The following PIM1 variants were observed in gnomAD, a reference collection of about 807,000 sequenced individuals.
PIM1 encodes the protein Pim-1 proto-oncogene, serine/threonine kinase, also known as serine/threonine-protein kinase pim-1.
PIM1 carries 9 observed loss-of-function variants against 34.5 expected under a neutral mutation model. That is an observed-to-expected ratio of 0.26 (90% CI 0.16 to 0.46). PIM1 has a LOEUF of 0.46. Among genes scored for constraint, PIM1 ranks in the 20% least tolerant of loss-of-function variants. PIM1 has a pLI of 1.00. For synonymous variants in PIM1, 199 were observed against 175.2 expected (o/e 1.14, Z -1.07); for missense variants, 274 against 410.9 (o/e 0.67, Z 2.88).
At chr6:37,172,824 C>A in intron 4 of PIM1, 172 bp from the exon 5 acceptor site, 2 of 704,340 alleles carry the variant, frequency 2.8e-6, no homozygotes. Context: ...GGAGAGATGC[C>A]GTAAGGTGCG....
At chr6:37,172,381 CT>C in intron 4 of PIM1, 1 of 345,898 alleles carries the variant, frequency 2.9e-6, no homozygotes, top group Non-Finnish European at 5.7e-6. Context: ...ATGGCCCCTC[CT>C]TTTTCTTTTA....
rs908520530 is a variant in PIM1, at chr6:37,175,379, AT to A, written c.*1299del. The A allele has an allele frequency of 0.012, 2,436 of 196,372 alleles. No individual in the cohort carries two copies. The highest frequency in any genetic ancestry group is 0.021 in the East Asian group (250 of 11,784). The allele number at this position is 196,372 out of a possible 1,614,324, so 12.2% of individuals were successfully genotyped here. A position where few individuals can be genotyped will look rare whatever the true frequency, so the allele number is the denominator to read the frequency against. ...TGTACAGGGGAATAAAAGAGATCTT[AT>A]TTTTTTTTTTATACTTGGCGTTTTT... is the stretch of plus-strand genomic sequence containing the variant. On this transcript the variant is annotated 3_prime_UTR_variant, in exon 6 of 6. Transcript: ENST00000373509.
chr6:37,173,092 T>C lies in PIM1; in HGVS notation c.704T>C (p.Met235Thr). 6.2e-7 allele frequency: 1 copy of C among 1,614,096 alleles called. No homozygotes were observed. The highest frequency in any genetic ancestry group is 8.5e-7 in the Non-Finnish European group (1 of 1,180,014). The change falls in exon 5 of 6, where the codon ATG (methionine) becomes ACG (threonine). Residue 235 changes from methionine to threonine, a missense_variant. Coordinates refer to ENST00000373509, the MANE Select transcript of PIM1 (RefSeq NM_002648.4). ...TCCCTGGGGATCCTGCTGTATGATATGGTGTGTGGAGATATTCCTTTCGAG... is the reference window on the plus strand; with the variant it reads ...TCCCTGGGGATCCTGCTGTATGATACGGTGTGTGGAGATATTCCTTTCGAG... ...VWSLGILLYD[M>T]VCGDIPFEHD... is the part of the protein sequence containing the mutation.
rs1266995451 is a variant in PIM1 at position 37,175,167 on chromosome 6, C to G, written c.*1076C>G. ...GCGGGACAGTGCTGCAGCTCCCTGG[C>G]TTCTGTGGGGCCCCTCACCTACTTA... On this transcript the variant is annotated 3_prime_UTR_variant, in exon 6 of 6. Coordinates refer to ENST00000373509, the MANE Select transcript of PIM1 (RefSeq NM_002648.4). 4.3e-6 allele frequency: 1 copy of G among 233,562 alleles called. No homozygotes were observed. Among genetic ancestry groups the G allele is most frequent in the East Asian group, 6.0e-5 (1 of 16,606 alleles). 14.5% of individuals were successfully genotyped at this position (233,562 alleles called of 1,614,324 possible).
In PIM1 at chr6:37,170,476, C is replaced by T. The variant is rs745541491; in HGVS notation, c.-100C>T. ...GCAACGCCACCCGCAGCCACAGCCACAGCCACAGCCCCAGGCATAGCCTTC... is the reference window on the plus strand; with the variant it reads ...GCAACGCCACCCGCAGCCACAGCCATAGCCACAGCCCCAGGCATAGCCTTC... On this transcript the variant is annotated 5_prime_UTR_variant, in exon 1 of 6. Coordinates refer to ENST00000373509, the MANE Select transcript of PIM1 (RefSeq NM_002648.4). The T allele has an allele frequency of 1.3e-6, 2 of 1,572,960 alleles. No individual in the cohort carries two copies. The highest frequency in any genetic ancestry group is 1.8e-5 in the Admixed American group (1 of 54,302).
rs754841278 is a variant in PIM1 at position 37,174,963 on chromosome 6, C to G, written c.*872C>G. 4.3e-6 allele frequency: 1 copy of G among 233,498 alleles called. No individual in the cohort carries two copies. The highest frequency in any genetic ancestry group is 8.5e-6 in the Non-Finnish European group (1 of 118,056). 14.5% of individuals were successfully genotyped at this position (233,498 alleles called of 1,614,324 possible). A position where few individuals can be genotyped will look rare whatever the true frequency, so the allele number is the denominator to read the frequency against. On this transcript the variant is annotated 3_prime_UTR_variant, in exon 6 of 6. Transcript: ENST00000373509. ...TTTTTGTTTCTTGTTTTGAAAGATG[C>G]GCATTCTAACCTGGAGGTCAATGTT...
In PIM1 at chr6:37,175,318, A is replaced by C. The variant is rs1318086968; in HGVS notation, c.*1227A>C. ...TCCTCTCTGGGGCTGTGTTTTGAGCAGCAGGTAGCCTGCTGGTTTTATCTG... is the reference window on the plus strand; with the variant it reads ...TCCTCTCTGGGGCTGTGTTTTGAGCCGCAGGTAGCCTGCTGGTTTTATCTG... On this transcript the variant is annotated 3_prime_UTR_variant, in exon 6 of 6. Transcript: ENST00000373509. 1 of 233,540 alleles carries C rather than the reference A, an allele frequency of 4.3e-6. No homozygotes were observed. Among genetic ancestry groups the C allele is most frequent in the Non-Finnish European group, 8.5e-6 (1 of 118,024 alleles). The allele number at this position is 233,540 out of a possible 1,614,324, so 14.5% of individuals were successfully genotyped here.
chr6:37,175,132 C>A lies in PIM1; in HGVS notation c.*1041C>A, dbSNP rs528065927. On this transcript the variant is annotated 3_prime_UTR_variant, in exon 6 of 6. Transcript: ENST00000373509. ...GACGCTTGCTCTGTTTGTGGGGTGA[C>A]GGGACTCAGGCGGGACAGTGCTGCA... The A allele has an allele frequency of 3.4e-4, 80 of 233,400 alleles. No individual in the cohort carries two copies. In the East Asian group the frequency reaches 4.6e-3, roughly 14 times the overall value. The allele number at this position is 233,400 out of a possible 1,614,324, so 14.5% of individuals were successfully genotyped here.
In PIM1 at chr6:37,174,328, T is replaced by C. The variant is rs982716392; in HGVS notation, c.*237T>C. Reference sequence around the variant, plus strand: ...AACTCCTCCCATAGATACTCTCTTCTTCTCATAGGTGTCCAGCATTGCTGG... The same window carrying C: ...AACTCCTCCCATAGATACTCTCTTCCTCTCATAGGTGTCCAGCATTGCTGG... On this transcript the variant is annotated 3_prime_UTR_variant, in exon 6 of 6. Coordinates refer to ENST00000373509, the MANE Select transcript of PIM1 (RefSeq NM_002648.4). 7 of 212,430 alleles carry C rather than the reference T, an allele frequency of 3.3e-5. No homozygotes were observed. The highest frequency in any genetic ancestry group is 1.8e-4 in the African/African-American group (7 of 38,812). The allele number at this position is 212,430 out of a possible 1,614,324, so 13.2% of individuals were successfully genotyped here.
intron 4 of PIM1, among the ~76,000 whole-genome samples, chr6:37,171,982 CTT>C (rs942047262): frequency 6.9e-6 from 1 of 145,442 alleles, no homozygotes; most frequent in Non-Finnish European, 1.5e-5. Flanking sequence ...TTACTGGTGG[CTT>C]TTTTTTTTCT....
rs749639194 is a variant in PIM1 at position 37,173,916 on chromosome 6, C to T, written c.785-18C>T. The stretch of plus-strand genomic sequence containing the variant: ...CAAGTTGAGTCATTCATAACCTCGT[C>T]TATCCTCCTTTCTGCAGAATGTCAG... On this transcript the variant is annotated intron_variant, in intron 5 of 5. Coordinates refer to ENST00000373509, the MANE Select transcript of PIM1 (RefSeq NM_002648.4). 27 of 1,603,938 alleles carry T rather than the reference C, an allele frequency of 1.7e-5. No individual in the cohort carries two copies. The highest frequency in any genetic ancestry group is 2.2e-5 in the Non-Finnish European group (26 of 1,174,732).
In PIM1 at chr6:37,170,773, G is replaced by T; in HGVS notation, c.83G>T (p.Gly28Val). 1.2e-6 allele frequency: 2 copies of T among 1,612,344 alleles called. No individual in the cohort carries two copies. The highest frequency in any genetic ancestry group is 1.7e-6 in the Non-Finnish European group (2 of 1,179,564). ...NDLHATKLAP[G>V]KEKEPLESQY... The stretch of plus-strand genomic sequence containing the variant: ...GTCCCCGTGCTTCCCCCTTTCCTAG[G>T]CAAGGAGAAGGAGCCCCTGGAGTCG... The change falls in exon 2 of 6, where the codon GGC (glycine) becomes GTC (valine). Residue 28 changes from glycine to valine, a missense_variant and splice_region_variant. Transcript: ENST00000373509.
chr6:37,170,786 G>A lies in PIM1; in HGVS notation c.96G>A (p.Glu32=). ...ATKLAPGKEK[E]PLESQYQVGP... ...CCCCTTTCCTAGGCAAGGAGAAGGA[G>A]CCCCTGGAGTCGCAGTACCAGGTGG... Residue 32 remains glutamate, a synonymous_variant, in exon 2 of 6, where the codon GAG becomes GAA. Coordinates refer to ENST00000373509, the MANE Select transcript of PIM1 (RefSeq NM_002648.4). 1.9e-6 allele frequency: 3 copies of A among 1,612,690 alleles called. No individual in the cohort carries two copies. The highest frequency in any genetic ancestry group is 2.5e-6 in the Non-Finnish European group (3 of 1,179,658).
chr6:37,170,824 G>A lies in PIM1; in HGVS notation c.134G>A (p.Gly45Asp). 1 of 1,612,962 alleles carries A rather than the reference G, an allele frequency of 6.2e-7. No individual in the cohort carries two copies. The highest frequency in any genetic ancestry group is 8.5e-7 in the Non-Finnish European group (1 of 1,179,726). The change falls in exon 2 of 6, where the codon GGC (glycine) becomes GAC (aspartate). Residue 45 changes from glycine (G) to aspartate (D), a missense_variant. Transcript: ENST00000373509. Reference sequence around the variant, plus strand: ...CAGTACCAGGTGGGCCCGCTACTGGGCAGCGGCGGCTTCGGCTCGGTCTAC... The same window carrying A: ...CAGTACCAGGTGGGCCCGCTACTGGACAGCGGCGGCTTCGGCTCGGTCTAC... ...ESQYQVGPLL[G>D]SGGFGSVYSG...
rs766571052 is a variant in PIM1, at chr6:37,175,355, G to C, written c.*1264G>C. On this transcript the variant is annotated 3_prime_UTR_variant, in exon 6 of 6. Coordinates refer to ENST00000373509, the MANE Select transcript of PIM1 (RefSeq NM_002648.4). ...GCTGGTTTTATCTGAGTGAAATACT[G>C]TACAGGGGAATAAAAGAGATCTTAT... 4.3e-6 allele frequency: 1 copy of C among 233,114 alleles called. No individual in the cohort carries two copies. The highest frequency in any genetic ancestry group is 6.0e-5 in the East Asian group (1 of 16,546). 14.4% of individuals were successfully genotyped at this position (233,114 alleles called of 1,614,324 possible). A position where few individuals can be genotyped will look rare whatever the true frequency, so the allele number is the denominator to read the frequency against.
chr6:37,173,475 T>G (rs1762344616), intron 5 of PIM1, among the ~76,000 whole-genome samples: 1 of 152,228 alleles, frequency 6.6e-6, no homozygotes, highest in Non-Finnish European at 1.5e-5. Flanking sequence ...CCTGGCTGTT[T>G]TGCCAGGGAG....
chr6:37,172,616 A>G (rs1489383829), intron 4 of PIM1: 1 of 462,632 alleles, frequency 2.2e-6, no homozygotes, highest in South Asian at 1.5e-5. Context: ...GGCAGTGGTG[A>G]ATGCAATTTA....
Position 37,170,726 on chromosome 6 carries a change from G to A in PIM1, c.83-47G>A, listed in dbSNP as rs761108385. On this transcript the variant is annotated intron_variant, in intron 1 of 5. Transcript: ENST00000373509. ...GCGGGATCTCCTGGGTGGGGAGCTG[G>A]CGGCTCGCGGGCCGGCACTGAGTCC... The A allele has an allele frequency of 3.7e-6, 6 of 1,605,418 alleles. No individual in the cohort carries two copies. In the African/African-American group the frequency reaches 6.7e-5, roughly 18 times the overall value.
rs748757329 is a variant in PIM1, at chr6:37,171,226, C to A, written c.342C>A (p.Asp114Glu). 4 of 1,614,088 alleles carry A rather than the reference C, an allele frequency of 2.5e-6. No individual in the cohort carries two copies. In the Admixed American group the frequency reaches 6.7e-5, roughly 27 times the overall value. Residue 114 changes from aspartate to glutamate, a missense_variant, in exon 4 of 6, where the codon GAC becomes GAA. Asp to Glu is a conservative substitution (Grantham distance 45). Coordinates refer to ENST00000373509, the MANE Select transcript of PIM1 (RefSeq NM_002648.4). ...TCCTGGACTGGTTCGAGAGGCCCGA[C>A]AGTTTCGTCCTGATCCTGGAGAGGC... is the stretch of plus-strand genomic sequence containing the variant. Reference protein sequence around the residue: ...IRLLDWFERPDSFVLILERPE... With the variant: ...IRLLDWFERPESFVLILERPE...
Sources: allele counts gnomAD v4.1 joint callset (sites outside exome capture counted in the v4.1 genomes callset), GRCh38; gene constraint gnomAD v4.1.1; transcripts MANE v1.5; gene names NCBI Gene and HGNC (gene_info 2026-07-23, HGNC 2026-07-21).